The following PDZRN4 variants were observed in gnomAD, a reference collection of about 807,000 sequenced individuals.
PDZRN4 encodes the protein PDZ domain-containing RING finger protein 4.
PDZRN4 carries 70 observed loss-of-function variants against 99.0 expected under a neutral mutation model. That is an observed-to-expected ratio of 0.71 (90% CI 0.58 to 0.86). PDZRN4 has a LOEUF of 0.86. Among genes scored for constraint, PDZRN4 ranks in the 40% least tolerant of loss-of-function variants. The pLI is 0.00. For missense variants in PDZRN4, 1,474 were observed against 1,331.2 expected (o/e 1.11, Z -1.67); for synonymous variants, 551 against 501.6 (o/e 1.10, Z -1.32).
chr12:41,454,458 A>G (rs1256544518), intron 3 of PDZRN4, among the ~76,000 whole-genome samples: 1 of 152,238 alleles, frequency 6.6e-6, no homozygotes, highest in African/African-American at 2.4e-5. Flanking sequence ...TTCAAAATGA[A>G]ATAAATGTGG....
intron 3 of PDZRN4, among the ~76,000 whole-genome samples, chr12:41,362,736 A>T (rs781480052): frequency 6.6e-6 from 1 of 152,080 alleles, no homozygotes; most frequent in East Asian, 1.9e-4. Context: ...AGCAGCTGCT[A>T]TGGAACAAGA....
intron 3 of PDZRN4, among the ~76,000 whole-genome samples, chr12:41,297,597 A>T (rs1951504700): frequency 6.6e-6 from 1 of 152,182 alleles, no homozygotes; most frequent in African/African-American, 2.4e-5. Flanking sequence ...AGGTGCTAGG[A>T]CATTGAAAAA....
At chr12:41,561,482 A>C (rs954037875) in intron 7 of PDZRN4, among the ~76,000 whole-genome samples, 2 of 151,140 alleles carry the variant, frequency 1.3e-5, no homozygotes, top group African/African-American at 4.8e-5. Flanking sequence ...TAAGATAGCA[A>C]ACTTAATAGC....
At chr12:41,292,153 A>G (rs1951460487) in intron 3 of PDZRN4, among the ~76,000 whole-genome samples, 1 of 152,238 alleles carries the variant, frequency 6.6e-6, no homozygotes, top group Non-Finnish European at 1.5e-5. Flanking sequence ...GATGTAATCC[A>G]TATTTACAAC....
intron 3 of PDZRN4, among the ~76,000 whole-genome samples, chr12:41,349,042 A>T (rs1377997903): frequency 6.6e-6 from 1 of 151,990 alleles, no homozygotes. Flanking sequence ...TATTTATGTT[A>T]GCCTGTTAAA....
intron 3 of PDZRN4, among the ~76,000 whole-genome samples, chr12:41,262,376 T>C (rs1385254004): frequency 6.6e-6 from 1 of 152,218 alleles, no homozygotes; most frequent in Non-Finnish European, 1.5e-5. Flanking sequence ...GAAGCTTCTG[T>C]TGAGTGTCTT....
chr12:41,263,275 G>T (rs1951254722), intron 3 of PDZRN4, among the ~76,000 whole-genome samples: 1 of 152,114 alleles, frequency 6.6e-6, no homozygotes, highest in African/African-American at 2.4e-5. Context: ...GAAAATAGTT[G>T]GGCGCGGTTG....
At chr12:41,438,871 T>C (rs1214623740) in intron 3 of PDZRN4, among the ~76,000 whole-genome samples, 3 of 152,236 alleles carry the variant, frequency 2.0e-5, no homozygotes, top group Admixed American at 6.5e-5. Context: ...TTCTCCCTTC[T>C]TCCAGTTTGT....
chr12:41,367,578 A>G (rs1211802978), intron 3 of PDZRN4, among the ~76,000 whole-genome samples: 5 of 152,132 alleles, frequency 3.3e-5, no homozygotes, highest in Admixed American at 1.3e-4. Flanking sequence ...GTAGAAGCCT[A>G]CAGTGTCTCA....
chr12:41,317,452 G>T (rs1032356190), intron 3 of PDZRN4, among the ~76,000 whole-genome samples: 1 of 152,010 alleles, frequency 6.6e-6, no homozygotes, highest in African/African-American at 2.4e-5. Context: ...AGAGTCTACT[G>T]ATTTAAGTGT....
At chr12:41,445,652 C>T (rs1279621346) in intron 3 of PDZRN4, among the ~76,000 whole-genome samples, 2 of 149,230 alleles carry the variant, frequency 1.3e-5, no homozygotes, top group African/African-American at 5.0e-5. Context: ...TATGAAGATT[C>T]TATACTCTTG....
intron 3 of PDZRN4, among the ~76,000 whole-genome samples, chr12:41,318,889 T>G (rs747363329): frequency 6.6e-6 from 1 of 152,270 alleles, no homozygotes; most frequent in East Asian, 1.9e-4. Context: ...TAATTATCAT[T>G]TAATAATTTG....
chr12:41,280,667 C>T (rs1466833888), intron 3 of PDZRN4, among the ~76,000 whole-genome samples: 1 of 152,222 alleles, frequency 6.6e-6, no homozygotes, highest in Non-Finnish European at 1.5e-5. Flanking sequence ...CTCTAGAGTC[C>T]TCCTCTCTGG....
At chr12:41,231,727 A>T (rs774655434) in intron 3 of PDZRN4, among the ~76,000 whole-genome samples, 24 of 152,104 alleles carry the variant, frequency 1.6e-4, no homozygotes, top group Non-Finnish European at 2.9e-4. Flanking sequence ...ATGACAGTGA[A>T]TAGTTCTCAC....
chr12:41,369,155 T>G (rs17129308), intron 3 of PDZRN4, among the ~76,000 whole-genome samples: 1,959 of 152,236 alleles, frequency 0.013, 91 homozygotes, highest in Admixed American at 0.09. Flanking sequence ...GACCCTATCT[T>G]TATTATAGCT....
rs187581404 is a variant in PDZRN4, at chr12:41,203,820, G to A, written c.843+9632G>A. Among the ~76,000 whole-genome samples the A allele has an allele frequency of 1.9e-4, 29 of 152,118 alleles. No individual in the cohort carries two copies. The South Asian group carries it at 4.8e-3, about 25-fold the overall frequency. On this transcript the variant is annotated intron_variant, in intron 3 of 9. Transcript: ENST00000402685. ...CAGACTTTGAAGAAATTAGGGGAAG[G>A]CCTTGCATGTTTGTCTAAGGAGTTT...
intron 7 of PDZRN4, among the ~76,000 whole-genome samples, chr12:41,560,466 T>G (rs1235025334): frequency 6.6e-6 from 1 of 152,210 alleles, no homozygotes; most frequent in Admixed American, 6.5e-5. Flanking sequence ...GCCAAGGCAA[T>G]ATCCATTTTG....
chr12:41,482,276 G>A (rs1480709418), intron 3 of PDZRN4, among the ~76,000 whole-genome samples: 1 of 152,164 alleles, frequency 6.6e-6, no homozygotes, highest in Admixed American at 6.6e-5. Flanking sequence ...AAAAATCCTA[G>A]ATATGCCTCA....
intron 3 of PDZRN4, among the ~76,000 whole-genome samples, chr12:41,339,299 G>A (rs938485646): frequency 2.6e-5 from 4 of 151,956 alleles, no homozygotes; most frequent in African/African-American, 4.8e-5. Flanking sequence ...CAGTTTTGAC[G>A]AAGTTGCCAA....
Sources: allele counts gnomAD v4.1 joint callset (sites outside exome capture counted in the v4.1 genomes callset), GRCh38; gene constraint gnomAD v4.1.1; transcripts MANE v1.5; gene names NCBI Gene and HGNC (gene_info 2026-07-23, HGNC 2026-07-21).